The following PCM1 variants were observed in gnomAD, a reference collection of about 807,000 sequenced individuals.
PCM1 encodes pericentriolar material 1.
A neutral mutation model predicts 241.9 loss-of-function variants in PCM1; 157 were observed. The ratio of observed to expected loss-of-function variants is 0.65; its 90% confidence interval spans 0.57 to 0.74. The LOEUF (loss-of-function observed/expected upper bound fraction) is 0.74. Ranked by LOEUF, PCM1 falls within the 30% of genes least tolerant of loss-of-function variation. The pLI, the probability that PCM1 is intolerant of heterozygous loss-of-function variation, is 0.00. For synonymous variants in PCM1, 1,085 were observed against 784.9 expected (o/e 1.38, Z -6.39); for missense variants, 3,478 against 2,360.1 (o/e 1.47, Z -9.81).
At chr8:17,943,945 C>G (rs144952692) in intron 6 of PCM1, among the ~76,000 whole-genome samples, 4 of 152,168 alleles carry the variant, frequency 2.6e-5, no homozygotes, top group Non-Finnish European at 5.9e-5. Context: ...TATTCTAGAG[C>G]TGCCTACCAA....
At chr8:17,955,905 T>C in intron 10 of PCM1, 1 of 491,964 alleles carries the variant, frequency 2.0e-6, no homozygotes, top group South Asian at 2.1e-5. Context: ...AAAATAAGAT[T>C]ACAGTTAAAA....
rs907149965 is a variant in PCM1, at chr8:17,947,050, T to G, written c.784-136T>G. ...TCATTCTGTTCTTACTCTTTTTTCT[T>G]GATGTCTACTAAAACTATATTTAGG... On this transcript the variant is annotated intron_variant, in intron 6 of 38. Transcript: ENST00000325083. 8 of 523,380 alleles carry G rather than the reference T, an allele frequency of 1.5e-5. No homozygotes were observed. In the African/African-American group the frequency reaches 1.5e-4, roughly 10 times the overall value. 32.4% of individuals were successfully genotyped at this position (523,380 alleles called of 1,614,324 possible). A position where few individuals can be genotyped will look rare whatever the true frequency, so the allele number is the denominator to read the frequency against.
At chr8:17,994,497 G>A (rs1401741223) in intron 29 of PCM1, among the ~76,000 whole-genome samples, 2 of 152,202 alleles carry the variant, frequency 1.3e-5, no homozygotes, top group South Asian at 2.1e-4. Flanking sequence ...ACAAACATGA[G>A]TGTGCAGATA....
At chr8:17,970,297 C>G (rs1051801443) in intron 22 of PCM1, among the ~76,000 whole-genome samples, 1 of 152,108 alleles carries the variant, frequency 6.6e-6, no homozygotes. Flanking sequence ...AGATGTATCT[C>G]TCTGATTGTC....
chr8:17,996,986 A>G (rs1425428205), intron 29 of PCM1, among the ~76,000 whole-genome samples: 2 of 152,082 alleles, frequency 1.3e-5, no homozygotes, highest in Non-Finnish European at 2.9e-5. Flanking sequence ...ACTTTCTATT[A>G]CTGGTGAATT....
intron 24 of PCM1, 41 bp from the exon 25 acceptor site, chr8:17,985,406 A>C: frequency 6.0e-6 from 8 of 1,338,098 alleles, no homozygotes; most frequent in Non-Finnish European, 8.2e-6. Context: ...TCATGAAGGT[A>C]CTTCATCAAT....
chr8:17,939,513 G>T (rs2061418769), intron 5 of PCM1, among the ~76,000 whole-genome samples, 178 bp from the exon 6 acceptor site: 1 of 152,050 alleles, frequency 6.6e-6, no homozygotes, highest in Admixed American at 6.5e-5. Context: ...ATTATGTCTT[G>T]ATTAAAATCT....
At chr8:17,970,615 G>A (rs911190846) in intron 22 of PCM1, among the ~76,000 whole-genome samples, 5 of 152,002 alleles carry the variant, frequency 3.3e-5, no homozygotes, top group Admixed American at 3.3e-4. Flanking sequence ...GCCTAACACA[G>A]TGTTAGTTCA....
chr8:17,976,703 A>G (rs996232528), intron 23 of PCM1, among the ~76,000 whole-genome samples: 3 of 152,160 alleles, frequency 2.0e-5, no homozygotes, highest in African/African-American at 4.8e-5. Context: ...TGTTTCTTCT[A>G]CTAATGTCAC....
At chr8:17,930,066 G>T (rs1455013599) in intron 2 of PCM1, among the ~76,000 whole-genome samples, 3 of 147,168 alleles carry the variant, frequency 2.0e-5, no homozygotes, top group Non-Finnish European at 3.0e-5. Context: ...TTGGTATTCT[G>T]TACATCCTTA....
rs757423583 is a variant in PCM1 at position 17,964,684 on chromosome 8, A to G, written c.2771A>G (p.Asp924Gly). The G allele has an allele frequency of 6.2e-7, 1 of 1,613,946 alleles. No homozygotes were observed. The highest frequency in any genetic ancestry group is 1.3e-5 in the African/African-American group (1 of 75,062). ...GATGAAGAGGAGGAAGAAGAGCAAGATGCCAGTTCCAATGATAACTTTTCT... is the reference window on the plus strand; with the variant it reads ...GATGAAGAGGAGGAAGAAGAGCAAGGTGCCAGTTCCAATGATAACTTTTCT... ...RTDEEEEEEQ[D>G]ASSNDNFSVC... The change falls in exon 18 of 39, where the codon GAT (aspartate) becomes GGT (glycine). Residue 924 changes from aspartate to glycine, a missense_variant. By Grantham distance (94) the Asp-to-Gly change is moderately conservative. Coordinates refer to ENST00000325083, the MANE Select transcript of PCM1 (RefSeq NM_006197.4).
At chr8:18,025,697 T>C (rs1409096396) in intron 38 of PCM1, 39 bp downstream of exon 38, 1 of 1,169,410 alleles carries the variant, frequency 8.6e-7, no homozygotes, top group Non-Finnish European at 1.2e-6. Flanking sequence ...TATTGAAAAA[T>C]CATTGAATCT....
Position 18,029,394 on chromosome 8 carries a change from A to AG in PCM1, c.*1732_*1733insG. The AG allele has an allele frequency of 4.7e-6, 1 of 214,234 alleles. No individual in the cohort carries two copies. The highest frequency in any genetic ancestry group is 2.4e-5 in the African/African-American group (1 of 41,790). The allele number at this position is 214,234 out of a possible 1,614,324, so 13.3% of individuals were successfully genotyped here. The stretch of plus-strand genomic sequence containing the variant: ...TTCAGGGAAATTGGAACAATAAGTT[A>AG]TGTTACATGCACACTCAAATTCTTT... On this transcript the variant is annotated 3_prime_UTR_variant, in exon 39 of 39. Coordinates refer to ENST00000325083, the MANE Select transcript of PCM1 (RefSeq NM_006197.4).
chr8:17,969,509 T>C, intron 21 of PCM1, 68 bp from the exon 22 acceptor site: 2 of 1,193,554 alleles, frequency 1.7e-6, no homozygotes, highest in Non-Finnish European at 2.4e-6. Context: ...TAAAACTGTC[T>C]TTTAATTTCA....
At chr8:17,992,679 C>G (rs914987009) in intron 28 of PCM1, among the ~76,000 whole-genome samples, 1 of 148,966 alleles carries the variant, frequency 6.7e-6, no homozygotes, top group Non-Finnish European at 1.5e-5. Context: ...TGCAGTGGCA[C>G]AATCTCAGCT....
intron 6 of PCM1, among the ~76,000 whole-genome samples, chr8:17,946,186 T>C (rs553814025): frequency 2.1e-4 from 32 of 152,296 alleles, no homozygotes; most frequent in Non-Finnish European, 4.3e-4. Flanking sequence ...CCTCTACTTT[T>C]AGACTAGATG....
intron 29 of PCM1, among the ~76,000 whole-genome samples, chr8:18,003,600 G>C (rs2090333602): frequency 6.6e-6 from 1 of 152,010 alleles, no homozygotes; most frequent in East Asian, 1.9e-4. Context: ...TTATGACAAA[G>C]GATCATAATT....
intron 16 of PCM1, 129 bp downstream of exon 16, chr8:17,962,303 T>C (rs11203929): frequency 0.51 from 290,456 of 573,506 alleles, 79,595 homozygotes; most frequent in Non-Finnish European, 0.59. Context: ...TAGTCTGCTT[T>C]GTGCCTTTTT....
chr8:17,972,811 C>T (rs2077293613), intron 23 of PCM1, 124 bp downstream of exon 23: 2 of 442,858 alleles, frequency 4.5e-6, no homozygotes, highest in East Asian at 3.5e-5. Context: ...CTTAGTTGAA[C>T]AGTCATTTTT....
Sources: allele counts gnomAD v4.1 joint callset (sites outside exome capture counted in the v4.1 genomes callset), GRCh38; gene constraint gnomAD v4.1.1; transcripts MANE v1.5; gene names NCBI Gene and HGNC (gene_info 2026-07-23, HGNC 2026-07-21).